USP25: variants seen among roughly 807,000 people sequenced by gnomAD.
USP25 encodes the protein ubiquitin carboxyl-terminal hydrolase 25.
A neutral mutation model predicts 158.5 loss-of-function variants in USP25; 85 were observed. The observed-to-expected ratio is 0.54, with a 90% CI of 0.45 to 0.64. USP25 has a LOEUF of 0.64. USP25 is among the 30% of genes least tolerant of loss of function. The pLI is 0.00. For missense variants in USP25, 1,242 were observed against 1,327.3 expected, an observed-to-expected ratio of 0.94 and a Z score of 1.00; for synonymous variants, 464 against 460.4, an observed-to-expected ratio of 1.01 and a Z score of -0.10.
chr21:15,789,489 A>G (rs1288977017), intron 4 of USP25, among the ~76,000 whole-genome samples: 4 of 152,074 alleles, frequency 2.6e-5, no homozygotes, highest in Non-Finnish European at 5.9e-5. Context: ...GTTAAATATA[A>G]CGACAGATGT....
At chr21:15,840,593 T>C in intron 17 of USP25, among the ~76,000 whole-genome samples, 1 of 152,122 alleles carries the variant, frequency 6.6e-6, no homozygotes, top group Non-Finnish European at 1.5e-5. Context: ...GAGAAAATTG[T>C]TCTGTATGAC....
intron 9 of USP25, among the ~76,000 whole-genome samples, chr21:15,812,064 T>A (rs1050712783): frequency 5.3e-5 from 8 of 151,920 alleles, no homozygotes; most frequent in African/African-American, 1.9e-4. Flanking sequence ...GACATGTTCG[T>A]ACGTTTTTGT....
At chr21:15,745,744 G>T (rs1355070948) in intron 1 of USP25, among the ~76,000 whole-genome samples, 1 of 152,064 alleles carries the variant, frequency 6.6e-6, no homozygotes, top group East Asian at 1.9e-4. Context: ...CCAAAGTGCT[G>T]GGATTACAGG....
At chr21:15,812,434 G>A (rs1049749419) in intron 9 of USP25, among the ~76,000 whole-genome samples, 1 of 152,118 alleles carries the variant, frequency 6.6e-6, no homozygotes, top group South Asian at 2.1e-4. Flanking sequence ...GGATCATGAG[G>A]TCAGGAGATC....
chr21:15,813,513 C>G (rs943360807), intron 9 of USP25, among the ~76,000 whole-genome samples: 3 of 152,190 alleles, frequency 2.0e-5, no homozygotes, highest in East Asian at 1.9e-4. Flanking sequence ...AGGAATTACC[C>G]AGTTTTATAT....
At chr21:15,846,205 C>T (rs1444866185) in intron 18 of USP25, among the ~76,000 whole-genome samples, 1 of 125,602 alleles carries the variant, frequency 8.0e-6, no homozygotes, top group Non-Finnish European at 1.6e-5. Context: ...CTCTGTAACC[C>T]AGGCTGGAGT....
At chr21:15,855,016 C>T (rs1301804169) in intron 20 of USP25, among the ~76,000 whole-genome samples, 1 of 151,944 alleles carries the variant, frequency 6.6e-6, no homozygotes, top group Non-Finnish European at 1.5e-5. Context: ...CTATGATAAG[C>T]AAAAATAAAA....
At chr21:15,802,554 C>CA (rs943025075) in intron 6 of USP25, among the ~76,000 whole-genome samples, 2 of 151,178 alleles carry the variant, frequency 1.3e-5, no homozygotes, top group African/African-American at 2.4e-5. Flanking sequence ...TCCCAAGGGA[C>CA]AAAAAAACAA....
In USP25 at chr21:15,766,191, C is replaced by G; in HGVS notation, c.268+50C>G. ...ATTTTAATAGAAACATACTGAAAAA[C>G]TTTTCTTGGTGTAATATATTAATGT... On this transcript the variant is annotated intron_variant, in intron 3 of 25. Transcript: ENST00000400183. This position sits in a 1 kb window ranked among gnomAD's most constrained non-coding sequence, Gnocchi z 4.0. 1 of 1,527,956 alleles carries G rather than the reference C, an allele frequency of 6.5e-7. No individual in the cohort carries two copies. The highest frequency in any genetic ancestry group is 8.7e-7 in the Non-Finnish European group (1 of 1,146,050). 94.6% of individuals were successfully genotyped at this position (1,527,956 alleles called of 1,614,324 possible).
intron 15 of USP25, 46 bp from the exon 16 acceptor site, chr21:15,831,355 G>T: frequency 6.5e-7 from 1 of 1,549,214 alleles, no homozygotes; most frequent in Non-Finnish European, 8.9e-7. Context: ...GTGGTATATA[G>T]TAAACTACAT....
intron 14 of USP25, among the ~76,000 whole-genome samples, chr21:15,828,862 C>A (rs1216850620): frequency 2.0e-5 from 3 of 152,146 alleles, no homozygotes; most frequent in Admixed American, 6.5e-5. Flanking sequence ...TGGTCTCAAT[C>A]TCTTGACCTT....
intron 4 of USP25, among the ~76,000 whole-genome samples, chr21:15,786,836 T>G (rs2035300876): frequency 6.6e-6 from 1 of 151,968 alleles, no homozygotes; most frequent in Non-Finnish European, 1.5e-5. Context: ...TTGTCTCTGT[T>G]TCCAGATGAT....
chr21:15,861,530 A>G lies in USP25; in HGVS notation c.2548-2738A>G, dbSNP rs111620495. On this transcript the variant is annotated intron_variant, in intron 20 of 25. Transcript: ENST00000400183. Reference sequence around the variant, plus strand: ...CAGGATTCTGAGGAGGTAGTATGAGACAAATATAATGTTAATTTACTCATA... The same window carrying G: ...CAGGATTCTGAGGAGGTAGTATGAGGCAAATATAATGTTAATTTACTCATA... Among the ~76,000 whole-genome samples, 314 of 152,300 alleles carry G rather than the reference A, an allele frequency of 2.1e-3. 1 individual carries two copies. Among genetic ancestry groups the G allele is most frequent in the Middle Eastern group, 0.014 (4 of 294 alleles).
chr21:15,820,241 G>A (rs1342556003), intron 10 of USP25, among the ~76,000 whole-genome samples: 1 of 151,942 alleles, frequency 6.6e-6, no homozygotes. Flanking sequence ...GATGGTACTT[G>A]TTTTTATATT....
chr21:15,781,712 G>A (rs1020370507), intron 4 of USP25, among the ~76,000 whole-genome samples: 1 of 152,082 alleles, frequency 6.6e-6, no homozygotes, highest in Non-Finnish European at 1.5e-5. Flanking sequence ...AAGCCAGGGG[G>A]TTCCTCTTCT....
At chr21:15,837,849 G>GAGTA (rs1284364701) in intron 17 of USP25, among the ~76,000 whole-genome samples, 1 of 152,138 alleles carries the variant, frequency 6.6e-6, no homozygotes, top group African/African-American at 2.4e-5. Flanking sequence ...TGTTCCAGGA[G>GAGTA]AGTACGGTTG....
intron 5 of USP25, 112 bp downstream of exon 5, chr21:15,791,776 T>C: frequency 8.8e-7 from 1 of 1,138,662 alleles, no homozygotes; most frequent in Non-Finnish European, 1.2e-6. Flanking sequence ...AAGTTTTTAA[T>C]ATACTATTTT....
At chr21:15,782,707 A>G (rs867753651) in intron 4 of USP25, among the ~76,000 whole-genome samples, 1 of 152,240 alleles carries the variant, frequency 6.6e-6, no homozygotes, top group South Asian at 2.1e-4. Context: ...CAAAGCCACC[A>G]CACGCCATTT....
At chr21:15,824,839 C>T (rs903485182) in intron 11 of USP25, 127 bp from the exon 12 acceptor site, 6 of 689,934 alleles carry the variant, frequency 8.7e-6, no homozygotes, top group Non-Finnish European at 1.5e-5. Flanking sequence ...TGGTCTTGAA[C>T]TCCTGACCTC....
Sources: allele counts gnomAD v4.1 joint callset (sites outside exome capture counted in the v4.1 genomes callset), GRCh38; gene constraint gnomAD v4.1.1; non-coding constraint Gnocchi (gnomAD v3.1); transcripts MANE v1.5; gene names NCBI Gene and HGNC (gene_info 2026-07-23, HGNC 2026-07-21).